SH3BP4: variants seen among roughly 807,000 people sequenced by gnomAD.
The protein encoded by SH3BP4 is SH3 domain binding protein 4, also known as SH3 domain-binding protein 4.
SH3BP4 carries 33 observed loss-of-function variants against 65.5 expected under a neutral mutation model. That is an observed-to-expected ratio of 0.50 (90% CI 0.38 to 0.67). The LOEUF (loss-of-function observed/expected upper bound fraction) is 0.67. Among genes scored for constraint, SH3BP4 ranks in the 30% least tolerant of loss-of-function variants. SH3BP4 has a pLI of 0.00. For synonymous variants in SH3BP4, 552 were observed against 545.5 expected, an observed-to-expected ratio of 1.01 and a Z score of -0.17; for missense variants, 1,134 against 1,261.4, an observed-to-expected ratio of 0.90 and a Z score of 1.53.
chr2:234,973,297 T>G (rs909772538), intron 1 of SH3BP4, among the ~76,000 whole-genome samples: 4 of 152,124 alleles, frequency 2.6e-5, no homozygotes, highest in African/African-American at 9.7e-5. Context: ...CCGGGGAAAT[T>G]ATTTTCAGTG....
intron 1 of SH3BP4, among the ~76,000 whole-genome samples, chr2:234,954,988 T>C (rs1024840883): frequency 6.6e-6 from 1 of 152,172 alleles, no homozygotes; most frequent in Non-Finnish European, 1.5e-5. Context: ...GGAGCTGCTG[T>C]TTACAACTGG....
intron 4 of SH3BP4, among the ~76,000 whole-genome samples, chr2:235,049,740 G>A (rs773782450): frequency 1.2e-4 from 18 of 152,168 alleles, no homozygotes; most frequent in Non-Finnish European, 2.1e-4. Flanking sequence ...AATCCAGACC[G>A]GTATTACATT....
intron 1 of SH3BP4, among the ~76,000 whole-genome samples, chr2:234,964,368 C>A (rs13384340): frequency 0.096 from 14,653 of 152,128 alleles, 1,634 homozygotes; most frequent in African/African-American, 0.27. Flanking sequence ...CGCTTTAATG[C>A]CTTTTAATTC....
chr2:235,034,908 G>T lies in SH3BP4; in HGVS notation c.-95G>T. Reference sequence around the variant, plus strand: ...TGCCGAGTGGATGCCGCCGCGCAGCGTGTTTGCTTGAGGCAGAAGCTTCAG... The same window carrying T: ...TGCCGAGTGGATGCCGCCGCGCAGCTTGTTTGCTTGAGGCAGAAGCTTCAG... On this transcript the variant is annotated 5_prime_UTR_variant, in exon 3 of 6. Transcript: ENST00000392011. This position sits in a 1 kb window ranked among gnomAD's most constrained non-coding sequence, Gnocchi z 6.2. The T allele has an allele frequency of 1.9e-6, 2 of 1,035,854 alleles. No individual in the cohort carries two copies. The highest frequency in any genetic ancestry group is 1.5e-6 in the Non-Finnish European group (1 of 675,374). 64.2% of individuals were successfully genotyped at this position (1,035,854 alleles called of 1,614,324 possible).
At chr2:235,022,527 A>T (rs903926351) in intron 2 of SH3BP4, among the ~76,000 whole-genome samples, 1 of 152,172 alleles carries the variant, frequency 6.6e-6, no homozygotes, top group African/African-American at 2.4e-5. Context: ...TCTCCAAAAA[A>T]AAAAAGTAGT....
chr2:235,051,447 C>T (rs1219467031), intron 4 of SH3BP4, among the ~76,000 whole-genome samples: 4 of 152,208 alleles, frequency 2.6e-5, no homozygotes, highest in African/African-American at 4.8e-5. Flanking sequence ...AAGGCGGCCA[C>T]GTGGTTGTTC....
chr2:235,017,482 A>G (rs1488520077), intron 2 of SH3BP4, among the ~76,000 whole-genome samples: 2 of 151,754 alleles, frequency 1.3e-5, no homozygotes, highest in Non-Finnish European at 2.9e-5. Context: ...TTCCTAAGCC[A>G]TATTAATGGC....
chr2:235,053,705 C>T lies in SH3BP4; in HGVS notation c.2781C>T (p.Pro927=), dbSNP rs775228959. ...LHLGLDKMKN[P]ITKRWKHLTG... The stretch of plus-strand genomic sequence containing the variant: ...TGGGCCTGGACAAGATGAAAAACCC[C>T]ATCACCAAGCGCTGGAAGCACCTCA... Residue 927 remains proline (P), a synonymous_variant, in exon 6 of 6, where the codon CCC becomes CCT. Transcript: ENST00000392011. 6.2e-7 allele frequency: 1 copy of T among 1,614,202 alleles called. No homozygotes were observed. The highest frequency in any genetic ancestry group is 8.5e-7 in the Non-Finnish European group (1 of 1,180,016).
At position 235,035,817 on chromosome 2, in the gene SH3BP4, A is replaced by G. The variant is rs1309970311; in HGVS notation, c.118+697A>G. 6.6e-6 allele frequency among the ~76,000 whole-genome samples: 1 copy of G among 152,158 alleles called. No individual in the cohort carries two copies. Among genetic ancestry groups the G allele is most frequent in the Non-Finnish European group, 1.5e-5 (1 of 68,036 alleles). Reference sequence around the variant, plus strand: ...ACACCAAGGTGAATACTAGCAGGTCATTTTCTTCCTGCACATCTGCCCTAA... The same window carrying G: ...ACACCAAGGTGAATACTAGCAGGTCGTTTTCTTCCTGCACATCTGCCCTAA... On this transcript the variant is annotated intron_variant, in intron 3 of 5. Coordinates refer to ENST00000392011, the MANE Select transcript of SH3BP4 (RefSeq NM_014521.3). This position sits in a 1 kb window ranked among gnomAD's most constrained non-coding sequence, Gnocchi z 5.0.
chr2:234,985,989 C>G (rs1693544018), intron 1 of SH3BP4, among the ~76,000 whole-genome samples: 1 of 151,792 alleles, frequency 6.6e-6, no homozygotes, highest in Non-Finnish European at 1.5e-5. Context: ...TGCAGGTGAA[C>G]CAGCCTCTGA....
At chr2:235,029,051 C>T (rs572923836) in intron 2 of SH3BP4, among the ~76,000 whole-genome samples, 1 of 152,182 alleles carries the variant, frequency 6.6e-6, no homozygotes, top group African/African-American at 2.4e-5. Flanking sequence ...TCAAAATGTT[C>T]CGGCTGCTAA....
At chr2:235,044,852 G>A (rs1033830323) in intron 4 of SH3BP4, among the ~76,000 whole-genome samples, 6 of 152,226 alleles carry the variant, frequency 3.9e-5, no homozygotes, top group South Asian at 2.1e-4. Flanking sequence ...GCCTGCAGTC[G>A]TGTGCAGTGC....
Position 235,042,276 on chromosome 2 carries a change from A to C in SH3BP4, c.1507A>C (p.Thr503Pro). The C allele has an allele frequency of 6.2e-7, 1 of 1,614,084 alleles. No individual in the cohort carries two copies. Among genetic ancestry groups the C allele is most frequent in the Non-Finnish European group, 8.5e-7 (1 of 1,180,036 alleles). ...TIFGHDCAPKTLLVSEVTRQA... is the reference protein window; with the variant it reads ...TIFGHDCAPKPLLVSEVTRQA... ...TTTTGGGCATGACTGTGCCCCAAAGACGCTCCTGGTCAGCGAGGTCACACG... is the reference window on the plus strand; with the variant it reads ...TTTTGGGCATGACTGTGCCCCAAAGCCGCTCCTGGTCAGCGAGGTCACACG... The change falls in exon 4 of 6, where the codon ACG becomes CCG. Residue 503 changes from threonine to proline, a missense_variant. Transcript: ENST00000392011. The surrounding 1 kb of genome is among the most constrained non-coding windows in gnomAD (Gnocchi z 7.3).
intron 2 of SH3BP4, among the ~76,000 whole-genome samples, chr2:235,011,536 C>T (rs1694505112): frequency 6.6e-6 from 1 of 152,174 alleles, no homozygotes. Flanking sequence ...CAGTTCCACC[C>T]ATAACAGTGG....
At chr2:234,963,834 G>A (rs1327767575) in intron 1 of SH3BP4, among the ~76,000 whole-genome samples, 1 of 152,140 alleles carries the variant, frequency 6.6e-6, no homozygotes, top group African/African-American at 2.4e-5. Context: ...GTGACAAGAT[G>A]GACTGCAGTT....
At chr2:235,009,540 G>A (rs1011487067) in intron 2 of SH3BP4, among the ~76,000 whole-genome samples, 1 of 152,072 alleles carries the variant, frequency 6.6e-6, no homozygotes, top group Non-Finnish European at 1.5e-5. Context: ...TGGCTTCTCT[G>A]TTGTGTCTCT....
At chr2:235,048,719 A>C (rs184062154) in intron 4 of SH3BP4, among the ~76,000 whole-genome samples, 77 of 152,350 alleles carry the variant, frequency 5.1e-4, no homozygotes, top group African/African-American at 1.8e-3. Context: ...GTTGGAACTC[A>C]GCCACACCCA....
At chr2:234,961,311 G>A (rs112921638) in intron 1 of SH3BP4, among the ~76,000 whole-genome samples, 5,127 of 152,158 alleles carry the variant, frequency 0.034, 154 homozygotes, top group African/African-American at 0.084. Context: ...TTGCTCTGTC[G>A]CCCAGGCTGG....
chr2:235,038,376 CATATATATATATATATAT>C (rs1177080438), intron 3 of SH3BP4, among the ~76,000 whole-genome samples: 1 of 12,364 alleles, frequency 8.1e-5, no homozygotes, highest in Non-Finnish European at 1.5e-4. Flanking sequence ...AATATATATA[CATATATATATATATATAT>C]ATATATATAT....
Sources: gnomAD v4.1 joint callset for allele counts (sites outside exome capture counted in the v4.1 genomes callset) on GRCh38, gnomAD v4.1.1 for gene constraint, Gnocchi (gnomAD v3.1) non-coding constraint, MANE v1.5 for transcripts, NCBI Gene and HGNC (gene_info 2026-07-23, HGNC 2026-07-21) for gene names.